The following PRSS57 variants were observed in gnomAD, a reference collection of about 807,000 sequenced individuals.
The protein encoded by PRSS57 is neutrophil serine protease 4.
A neutral mutation model predicts 20.6 loss-of-function variants in PRSS57; 19 were observed. That is an observed-to-expected ratio of 0.92 (90% confidence interval 0.64 to 1.35). The LOEUF (loss-of-function observed/expected upper bound fraction) is 1.35. PRSS57 is among the 40% of genes most tolerant of loss of function. The probability of loss-of-function intolerance (pLI) is 0.00; values close to 1 mark genes in which losing one functional copy is unlikely to be tolerated. For missense variants in PRSS57, 440 were observed against 403.7 expected (o/e 1.09, Z -0.77); for synonymous variants, 203 against 176.6 (o/e 1.15, Z -1.19).
chr19:685,681 G>A lies in PRSS57; in HGVS notation c.*35C>T, dbSNP rs542096473. 1.3e-6 allele frequency: 2 copies of A among 1,484,706 alleles called. No individual in the cohort carries two copies. Among genetic ancestry groups the A allele is most frequent in the South Asian group, 1.3e-5 (1 of 77,838 alleles). The allele number at this position is 1,484,706 out of a possible 1,614,324, so 92.0% of individuals were successfully genotyped here. On this transcript the variant is annotated 3_prime_UTR_variant, in exon 5 of 5. Transcript: ENST00000329267. ...AGCCACGGAACATTCCAGGCCTGGA[G>A]CGGCCATCTCATTTGCATGCCGCAA... is the stretch of plus-strand genomic sequence containing the variant.
intron 2 of PRSS57, 61 bp from the exon 3 acceptor site, chr19:692,063 C>T: frequency 8.0e-7 from 1 of 1,248,544 alleles, no homozygotes. Context: ...GGCCTCGGTC[C>T]ACTCATCTAT....
At chr19:692,031 G>T in intron 2 of PRSS57, 29 bp from the exon 3 acceptor site, 1 of 1,299,690 alleles carries the variant, frequency 7.7e-7, no homozygotes, top group East Asian at 2.9e-5. Context: ...GGGTGAGACG[G>T]GGGTGAGGGC....
intron 3 of PRSS57, among the ~76,000 whole-genome samples, chr19:689,310 A>T (rs2031573564): frequency 6.6e-6 from 1 of 151,992 alleles, no homozygotes; most frequent in Non-Finnish European, 1.5e-5. Flanking sequence ...ACAGGGTTGC[A>T]GGGAGGGGGT....
chr19:688,014 G>A (rs2031526268), intron 3 of PRSS57, among the ~76,000 whole-genome samples: 2 of 152,266 alleles, frequency 1.3e-5, no homozygotes, highest in Admixed American at 6.5e-5. Context: ...GCTCCCTGCA[G>A]CCTGTTGAGG....
chr19:691,206 A>C (rs1488174491), intron 3 of PRSS57: 1 of 162,296 alleles, frequency 6.2e-6, no homozygotes, highest in African/African-American at 2.4e-5. Flanking sequence ...AAGTGAATTA[A>C]GCCTGGAAAA....
chr19:693,442 C>T (rs1223594221), intron 2 of PRSS57, among the ~76,000 whole-genome samples: 1 of 152,008 alleles, frequency 6.6e-6, no homozygotes, highest in Non-Finnish European at 1.5e-5. Context: ...GGCTGCCCGT[C>T]TGGGCCTCAG....
intron 3 of PRSS57, chr19:690,668 C>A (rs890860156): frequency 3.6e-6 from 1 of 281,454 alleles, no homozygotes; most frequent in Non-Finnish European, 7.0e-6. Context: ...CACCGGCCAG[C>A]GCACCAGGTT....
At chr19:690,560 T>A in intron 3 of PRSS57, 1 of 260,982 alleles carries the variant, frequency 3.8e-6, no homozygotes, top group South Asian at 4.3e-5. Context: ...CTGTCTCTTC[T>A]CCCTGCCCAT....
chr19:694,077 T>A (rs2031722738), intron 2 of PRSS57, among the ~76,000 whole-genome samples: 2 of 151,368 alleles, frequency 1.3e-5, no homozygotes, highest in Non-Finnish European at 2.9e-5. Context: ...AGTTTCACCA[T>A]GTTGGCCAGG....
intron 3 of PRSS57, among the ~76,000 whole-genome samples, chr19:689,857 A>T (rs1401050402): frequency 6.6e-6 from 1 of 152,246 alleles, no homozygotes; most frequent in Non-Finnish European, 1.5e-5. Flanking sequence ...AGTTAAGACC[A>T]GCCTGGCCAA....
intron 4 of PRSS57, among the ~76,000 whole-genome samples, chr19:686,269 G>A (rs1292370444): frequency 1.3e-5 from 2 of 152,054 alleles, no homozygotes; most frequent in African/African-American, 2.4e-5. Context: ...TCTGCCTTGC[G>A]TGTGTTTCCT....
intron 2 of PRSS57, among the ~76,000 whole-genome samples, chr19:694,223 G>T (rs568095824): frequency 1.3e-5 from 2 of 151,958 alleles, no homozygotes; most frequent in Non-Finnish European, 2.9e-5. Flanking sequence ...TGCAGGAGGG[G>T]ACCCACCCAC....
chr19:685,971 G>C, intron 4 of PRSS57, 49 bp from the exon 5 acceptor site: 2 of 1,469,938 alleles, frequency 1.4e-6, no homozygotes, highest in Non-Finnish European at 9.2e-7. Context: ...GCTGCTGCAG[G>C]CACATCTCAC....
rs377014695 is a variant in PRSS57, at chr19:686,920, C to G, written c.642+5G>C. 7.6e-5 allele frequency: 122 copies of G among 1,611,804 alleles called. No individual in the cohort carries two copies. Among genetic ancestry groups the G allele is most frequent in the Non-Finnish European group, 9.2e-5 (108 of 1,178,658 alleles). On this transcript the variant is annotated splice_donor_5th_base_variant and intron_variant, in intron 4 of 4. Coordinates refer to ENST00000329267, the MANE Select transcript of PRSS57 (RefSeq NM_001308209.2). Reference sequence around the variant, plus strand: ...TAAGTGGGTGGAGCAGGGAGGGGATCTTACCGAGCAGAAGCCCCGTCTGTG... The same window carrying G: ...TAAGTGGGTGGAGCAGGGAGGGGATGTTACCGAGCAGAAGCCCCGTCTGTG...
intron 3 of PRSS57, among the ~76,000 whole-genome samples, chr19:689,609 C>T (rs1477475755): frequency 2.0e-5 from 3 of 152,088 alleles, no homozygotes; most frequent in Non-Finnish European, 4.4e-5. Flanking sequence ...TGGGACCTGA[C>T]GTCCAACTGT....
At chr19:686,491 C>T (rs754668310) in intron 4 of PRSS57, among the ~76,000 whole-genome samples, 2 of 152,084 alleles carry the variant, frequency 1.3e-5, no homozygotes, top group East Asian at 1.9e-4. Context: ...GGTCACGCAT[C>T]GGGAAAGTGG....
intron 2 of PRSS57, 67 bp from the exon 3 acceptor site, chr19:692,069 T>A: frequency 8.1e-7 from 1 of 1,239,478 alleles, no homozygotes. Flanking sequence ...GGTCCACTCA[T>A]CTATGAAACG....
intron 3 of PRSS57, chr19:691,212 G>GA (rs147436553): frequency 1.5e-3 from 238 of 156,138 alleles, no homozygotes; most frequent in African/African-American, 3.7e-3. Flanking sequence ...ATTAAGCCTG[G>GA]AAAAAAAAAA....
At chr19:694,193 C>T (rs2031725112) in intron 2 of PRSS57, among the ~76,000 whole-genome samples, 1 of 152,076 alleles carries the variant, frequency 6.6e-6, no homozygotes, top group African/African-American at 2.4e-5. Context: ...CCAACCTATC[C>T]CGTGCCTGGT....
Sources: allele counts gnomAD v4.1 joint callset (sites outside exome capture counted in the v4.1 genomes callset), GRCh38; gene constraint gnomAD v4.1.1; transcripts MANE v1.5; gene names NCBI Gene and HGNC (gene_info 2026-07-23, HGNC 2026-07-21).